The following C10orf67 variants were observed in gnomAD, a reference collection of about 807,000 sequenced individuals.
C10orf67 encodes chromosome 10 open reading frame 67.
C10orf67 carries 60 observed loss-of-function variants against 35.6 expected under a neutral mutation model. The observed-to-expected ratio is 1.68, with a 90% CI of 1.37 to 2.09. The LOEUF (loss-of-function observed/expected upper bound fraction) is 2.09. Ranked by LOEUF, C10orf67 falls within the 30% of genes most tolerant of loss-of-function variation. The probability of loss-of-function intolerance (pLI) is 0.00; values close to 1 mark genes in which losing one functional copy is unlikely to be tolerated. For missense variants in C10orf67, 474 were observed against 330.2 expected (o/e 1.44, Z -3.38); for synonymous variants, 167 against 115.8 (o/e 1.44, Z -2.84).
intron 12 of C10orf67, among the ~76,000 whole-genome samples, chr10:23,245,409 A>G (rs1842291743): frequency 6.6e-6 from 1 of 152,240 alleles, no homozygotes; most frequent in Non-Finnish European, 1.5e-5. Flanking sequence ...GAAAACAACA[A>G]AATGAAAAGA....
At chr10:23,312,424 A>G (rs1844533053) in intron 4 of C10orf67, among the ~76,000 whole-genome samples, 1 of 152,150 alleles carries the variant, frequency 6.6e-6, no homozygotes, top group Non-Finnish European at 1.5e-5. Flanking sequence ...TCCTTGCTTC[A>G]GTTACGACAA....
intron 2 of C10orf67, among the ~76,000 whole-genome samples, chr10:23,331,204 GGAAGA>G (rs1845447469): frequency 2.2e-4 from 1 of 4,622 alleles, no homozygotes; most frequent in Non-Finnish European, 4.0e-4. Flanking sequence ...GGAAGGGAAG[GGAAGA>G]GGGAAGGGAA....
chr10:23,320,104 A>C (rs1009311216), intron 4 of C10orf67, among the ~76,000 whole-genome samples: 1 of 152,236 alleles, frequency 6.6e-6, no homozygotes, highest in African/African-American at 2.4e-5. Context: ...ACAGTCTGGC[A>C]TGGAACGGAG....
At chr10:23,257,433 G>A (rs1053709777) in intron 10 of C10orf67, among the ~76,000 whole-genome samples, 5 of 152,142 alleles carry the variant, frequency 3.3e-5, no homozygotes, top group African/African-American at 4.8e-5. Flanking sequence ...TATAAGCTGA[G>A]GGTAGAGTGG....
intron 15 of C10orf67, among the ~76,000 whole-genome samples, chr10:23,222,147 C>G (rs571595438): frequency 4.6e-5 from 7 of 152,000 alleles, no homozygotes; most frequent in Non-Finnish European, 5.9e-5. Context: ...GTAGACAGAG[C>G]GGAAATAACT....
At chr10:23,244,213 T>A (rs528122794) in intron 12 of C10orf67, among the ~76,000 whole-genome samples, 1 of 152,310 alleles carries the variant, frequency 6.6e-6, no homozygotes, top group Non-Finnish European at 1.5e-5. Flanking sequence ...AAATAACCCA[T>A]GGATCAAAGA....
At chr10:23,322,618 G>T in intron 2 of C10orf67, 81 bp from the exon 3 acceptor site, 2 of 886,766 alleles carry the variant, frequency 2.3e-6, no homozygotes, top group Non-Finnish European at 3.4e-6. Context: ...TTGCTAAGTG[G>T]GAGCAAAATG....
At chr10:23,235,141 T>A (rs1020506653) in intron 13 of C10orf67, among the ~76,000 whole-genome samples, 26 of 150,754 alleles carry the variant, frequency 1.7e-4, no homozygotes, top group African/African-American at 5.9e-4. Flanking sequence ...GACTGACAAA[T>A]AAACCAATGG....
Position 23,277,735 on chromosome 10 carries a change from T to G in C10orf67, c.975+4278A>C, listed in dbSNP as rs568378949. On this transcript the variant is annotated intron_variant, in intron 8 of 15. Transcript: ENST00000636213. ...CAAGTCATTTAATAAATAATTTGAT[T>G]CTGTTTTCCTTTCATATATGGTAAA... Among the ~76,000 whole-genome samples the G allele has an allele frequency of 3.9e-5, 6 of 152,340 alleles. No individual in the cohort carries two copies. In the South Asian group the frequency reaches 1.2e-3, roughly 32 times the overall value.
chr10:23,232,520 A>T (rs182170823), intron 13 of C10orf67, among the ~76,000 whole-genome samples: 1 of 152,202 alleles, frequency 6.6e-6, no homozygotes, highest in African/African-American at 2.4e-5. Flanking sequence ...ACATAAAAAC[A>T]CACTATTCAC....
chr10:23,224,014 G>C (rs1841662390), intron 13 of C10orf67, among the ~76,000 whole-genome samples, 196 bp from the exon 14 acceptor site: 1 of 152,106 alleles, frequency 6.6e-6, no homozygotes, highest in South Asian at 2.1e-4. Flanking sequence ...AGACCACTTT[G>C]AAAGAAAATT....
At chr10:23,268,650 A>C (rs1383994364) in intron 8 of C10orf67, among the ~76,000 whole-genome samples, 1 of 152,250 alleles carries the variant, frequency 6.6e-6, no homozygotes, top group Non-Finnish European at 1.5e-5. Context: ...AATGGGTTTG[A>C]ACTCAAGCCT....
At chr10:23,216,700 C>T (rs1442643433) in intron 15 of C10orf67, among the ~76,000 whole-genome samples, 1 of 152,036 alleles carries the variant, frequency 6.6e-6, no homozygotes, top group Admixed American at 6.5e-5. Context: ...ATTTCAAAAA[C>T]ATTTATAGGT....
At chr10:23,276,252 A>T (rs1236159664) in intron 8 of C10orf67, among the ~76,000 whole-genome samples, 1 of 152,168 alleles carries the variant, frequency 6.6e-6, no homozygotes, top group Non-Finnish European at 1.5e-5. Context: ...TAGTGGGAAC[A>T]GACAAACCCA....
At chr10:23,220,876 G>A (rs1738187087) in intron 15 of C10orf67, among the ~76,000 whole-genome samples, 1 of 152,128 alleles carries the variant, frequency 6.6e-6, no homozygotes, top group African/African-American at 2.4e-5. Context: ...AACCTTTGAT[G>A]CCAATATGAG....
chr10:23,323,392 T>A (rs1247971388), intron 2 of C10orf67, among the ~76,000 whole-genome samples: 1 of 151,706 alleles, frequency 6.6e-6, no homozygotes, highest in Non-Finnish European at 1.5e-5. Flanking sequence ...GTAAGGTGGG[T>A]GAAACTCAGG....
chr10:23,267,636 G>A lies in C10orf67; in HGVS notation c.976-382C>T, dbSNP rs752097127. On this transcript the variant is annotated intron_variant, in intron 8 of 15. Transcript: ENST00000636213. ...AAGATAGCTTGAGAAGGCCGGGCACGGTGGCTCACACCTGTAATCCCACTT... is the reference window on the plus strand; with the variant it reads ...AAGATAGCTTGAGAAGGCCGGGCACAGTGGCTCACACCTGTAATCCCACTT... 5.3e-5 allele frequency among the ~76,000 whole-genome samples: 8 copies of A among 152,308 alleles called. No homozygotes were observed. The South Asian group carries it at 6.2e-4, about 12-fold the overall frequency.
intron 15 of C10orf67, among the ~76,000 whole-genome samples, chr10:23,217,858 T>A (rs181695513): frequency 2.0e-4 from 30 of 152,154 alleles, no homozygotes; most frequent in Non-Finnish European, 1.2e-4. Flanking sequence ...TAGCCTAAAC[T>A]TTTTTCTACT....
At chr10:23,297,440 G>GTA (rs1843924700) in intron 5 of C10orf67, among the ~76,000 whole-genome samples, 1 of 152,092 alleles carries the variant, frequency 6.6e-6, no homozygotes, top group Admixed American at 6.5e-5. Context: ...ATACTACTCT[G>GTA]TATATATATT....
Sources: gnomAD v4.1 joint callset for allele counts (sites outside exome capture counted in the v4.1 genomes callset) on GRCh38, gnomAD v4.1.1 for gene constraint, MANE v1.5 for transcripts, NCBI Gene and HGNC (gene_info 2026-07-23, HGNC 2026-07-21) for gene names.